VPS13B: variants seen among roughly 807,000 people sequenced by gnomAD.
The protein encoded by VPS13B is vacuolar protein sorting 13 homolog B.
VPS13B carries 285 observed loss-of-function variants against 426.4 expected under a neutral mutation model. The observed-to-expected ratio is 0.67, with a 90% CI of 0.61 to 0.74. VPS13B has a LOEUF of 0.74. VPS13B is among the 30% of genes least tolerant of loss of function. VPS13B has a pLI of 0.00. For synonymous variants in VPS13B, 1,676 were observed against 1,676.4 expected (o/e 1.00, Z 0.01); for missense variants, 4,537 against 4,782.6 (o/e 0.95, Z 1.51).
intron 39 of VPS13B, among the ~76,000 whole-genome samples, chr8:99,752,850 G>A (rs1310405327): frequency 6.6e-6 from 1 of 152,148 alleles, no homozygotes; most frequent in Admixed American, 6.6e-5. Context: ...AAACAATCAT[G>A]TAACAAGTTG....
At chr8:99,038,287 A>G in intron 2 of VPS13B, 136 bp from the exon 3 acceptor site, 1 of 624,466 alleles carries the variant, frequency 1.6e-6, no homozygotes, top group South Asian at 3.2e-5. Context: ...ATTAGAATGA[A>G]AAATATTAAG....
At chr8:99,719,389 A>C (rs1266106193) in intron 37 of VPS13B, among the ~76,000 whole-genome samples, 3 of 152,162 alleles carry the variant, frequency 2.0e-5, no homozygotes, top group Non-Finnish European at 4.4e-5. Flanking sequence ...CATCCAATAA[A>C]AATAAGATTG....
At chr8:99,134,790 C>A in intron 9 of VPS13B, 63 bp downstream of exon 9, 1 of 1,346,008 alleles carries the variant, frequency 7.4e-7, no homozygotes, top group South Asian at 1.3e-5. Flanking sequence ...TTATAAATAC[C>A]TGTTTTTATC....
At chr8:99,068,221 G>A (rs1587991951) in intron 3 of VPS13B, among the ~76,000 whole-genome samples, 2 of 152,084 alleles carry the variant, frequency 1.3e-5, no homozygotes, top group Middle Eastern at 3.4e-3. Context: ...CTTCTTTCCA[G>A]TACTTTTGCC....
chr8:99,372,077 C>A (rs188023059), intron 19 of VPS13B, among the ~76,000 whole-genome samples: 7 of 151,854 alleles, frequency 4.6e-5, no homozygotes, highest in South Asian at 4.2e-4. Context: ...CGGTGAAACC[C>A]CGTCTCTACT....
chr8:99,576,259 A>G (rs1029092865), intron 32 of VPS13B, among the ~76,000 whole-genome samples: 1 of 152,188 alleles, frequency 6.6e-6, no homozygotes, highest in African/African-American at 2.4e-5. Context: ...CATTCATACT[A>G]TTTAACCTAC....
At chr8:99,827,693 C>CTT (rs1268784375) in intron 51 of VPS13B, among the ~76,000 whole-genome samples, 2 of 152,088 alleles carry the variant, frequency 1.3e-5, no homozygotes, top group Non-Finnish European at 2.9e-5. Flanking sequence ...AATTTTAGGT[C>CTT]TTTTCCACTT....
chr8:99,720,756 C>A (rs1833099401), intron 38 of VPS13B, 107 bp from the exon 39 acceptor site: 1 of 1,214,614 alleles, frequency 8.2e-7, no homozygotes. Context: ...AAATGACCAA[C>A]TAGCTTCTTT....
chr8:99,831,303 C>G (rs1815044676), intron 51 of VPS13B, among the ~76,000 whole-genome samples: 1 of 151,970 alleles, frequency 6.6e-6, no homozygotes, highest in Non-Finnish European at 1.5e-5. Flanking sequence ...AAACTCCTGA[C>G]CTCGTGATCC....
chr8:99,197,225 T>C (rs1563596923), intron 17 of VPS13B, among the ~76,000 whole-genome samples: 1 of 152,238 alleles, frequency 6.6e-6, no homozygotes, highest in Non-Finnish European at 1.5e-5. Context: ...TTTCATTTAA[T>C]ATTTTGTTGA....
At chr8:99,159,865 C>A (rs1811551254) in intron 15 of VPS13B, among the ~76,000 whole-genome samples, 1 of 152,060 alleles carries the variant, frequency 6.6e-6, no homozygotes, top group Non-Finnish European at 1.5e-5. Context: ...TGCCATGTTG[C>A]CCAGGCTGGT....
chr8:99,371,778 G>A (rs1237288050), intron 19 of VPS13B, among the ~76,000 whole-genome samples: 1 of 152,038 alleles, frequency 6.6e-6, no homozygotes, highest in African/African-American at 2.4e-5. Context: ...CCTTGAAAAG[G>A]TCCTTCACGT....
chr8:99,287,268 ATCTATCTATCTATCTATCTC>A (rs1257286045), intron 19 of VPS13B, among the ~76,000 whole-genome samples: 1 of 151,204 alleles, frequency 6.6e-6, no homozygotes, highest in East Asian at 1.9e-4. Flanking sequence ...CTATCTATCT[ATCTATCTATCTATCTATCTC>A]TCCCTCCGTA....
intron 58 of VPS13B, 86 bp from the exon 59 acceptor site, chr8:99,868,203 C>A: frequency 6.4e-7 from 1 of 1,561,092 alleles, no homozygotes; most frequent in South Asian, 1.1e-5. Context: ...CATTTTCAAT[C>A]CAGATAAAAC....
Position 99,348,692 on chromosome 8 carries a change from G to C in VPS13B, c.2825-35516G>C, listed in dbSNP as rs1004275461. On this transcript the variant is annotated intron_variant, in intron 19 of 61. Transcript: ENST00000357162. Reference sequence around the variant, plus strand: ...CATTTTATCTTCATGGAATAATAAAGTACAATCATTACTTATAAGGAGGAA... The same window carrying C: ...CATTTTATCTTCATGGAATAATAAACTACAATCATTACTTATAAGGAGGAA... 6.6e-5 allele frequency among the ~76,000 whole-genome samples: 10 copies of C among 152,040 alleles called. No individual in the cohort carries two copies. In the East Asian group the frequency reaches 1.7e-3, roughly 26 times the overall value.
intron 17 of VPS13B, among the ~76,000 whole-genome samples, chr8:99,247,941 C>T (rs1017190914): frequency 1.3e-5 from 2 of 152,082 alleles, no homozygotes; most frequent in Non-Finnish European, 2.9e-5. Context: ...GAAATATATT[C>T]CACAAGGGAG....
At chr8:99,428,712 A>G (rs1194943785) in intron 21 of VPS13B, among the ~76,000 whole-genome samples, 3 of 152,210 alleles carry the variant, frequency 2.0e-5, no homozygotes, top group Admixed American at 2.0e-4. Context: ...CCATTGTGGA[A>G]GTCAGTGTGG....
intron 36 of VPS13B, among the ~76,000 whole-genome samples, chr8:99,705,502 G>C (rs900735782): frequency 1.3e-5 from 2 of 151,828 alleles, no homozygotes; most frequent in African/African-American, 4.8e-5. Flanking sequence ...CACTACCTTA[G>C]AAAAGATTTT....
chr8:99,636,337 TAAC>T (rs1364399095), intron 33 of VPS13B, among the ~76,000 whole-genome samples: 2 of 152,026 alleles, frequency 1.3e-5, no homozygotes, highest in East Asian at 3.8e-4. Context: ...TCTTAAACAA[TAAC>T]AATTTATCTT....
Sources: allele counts gnomAD v4.1 joint callset (sites outside exome capture counted in the v4.1 genomes callset), GRCh38; gene constraint gnomAD v4.1.1; transcripts MANE v1.5; gene names NCBI Gene and HGNC (gene_info 2026-07-23, HGNC 2026-07-21).